Variants in ZNHIT6 observed in about 807,000 individuals in gnomAD.
The protein encoded by ZNHIT6 is zinc finger HIT-type containing 6.
In ZNHIT6, 45 loss-of-function variants were observed where a neutral mutation model predicts 57.2. The ratio of observed to expected loss-of-function variants is 0.79; its 90% CI spans 0.62 to 1.01. The LOEUF is 1.01. Ranked by LOEUF, ZNHIT6 falls within the 50% of genes least tolerant of loss-of-function variation. The pLI is 0.00. For synonymous variants in ZNHIT6, 188 were observed against 190.0 expected (o/e 0.99, Z 0.09); for missense variants, 528 against 567.3 (o/e 0.93, Z 0.70).
chr1:85,707,831 C>T lies in ZNHIT6; in HGVS notation c.454G>A (p.Val152Met). 6.2e-7 allele frequency: 1 copy of T among 1,614,150 alleles called. No homozygotes were observed. The highest frequency in any genetic ancestry group is 8.5e-7 in the Non-Finnish European group (1 of 1,180,030). Reference protein sequence around the residue: ...VKEEVMDWSEVKEEKDNLEIK... With the variant: ...VKEEVMDWSEMKEEKDNLEIK... ...TCCAAGTTATCCTTCTCTTCCTTCA[C>T]TTCTGACCAGTCCATTACCTCTTCC... The change falls in exon 1 of 10, where the codon GTG (valine) becomes ATG (methionine). Residue 152 changes from valine to methionine, a missense_variant. Transcript: ENST00000370574.
chr1:85,691,982 A>C (rs1419538647), intron 5 of ZNHIT6, among the ~76,000 whole-genome samples: 2 of 152,206 alleles, frequency 1.3e-5, no homozygotes, highest in African/African-American at 4.8e-5. Context: ...CAGCCTGGCC[A>C]ACACGGTGAA....
chr1:85,698,955 A>G lies in ZNHIT6; in HGVS notation c.1019+3202T>C, dbSNP rs367875648. Among the ~76,000 whole-genome samples the G allele has an allele frequency of 7.9e-5, 12 of 152,248 alleles. No homozygotes were observed. In the East Asian group the frequency reaches 2.3e-3, roughly 29 times the overall value. On this transcript the variant is annotated intron_variant, in intron 5 of 9. Coordinates refer to ENST00000370574, the MANE Select transcript of ZNHIT6 (RefSeq NM_017953.4). ...GTATATTATTTAGTATGTGCCAGGT[A>G]CTACTTTAGTTGGTATTAAAATTTC...
chr1:85,675,190 A>C (rs1661665986), intron 8 of ZNHIT6, among the ~76,000 whole-genome samples: 1 of 152,208 alleles, frequency 6.6e-6, no homozygotes, highest in South Asian at 2.1e-4. Context: ...CTACAAGTCA[A>C]AACATTAAGA....
intron 1 of ZNHIT6, 124 bp from the exon 2 acceptor site, chr1:85,706,631 G>T: frequency 1.2e-6 from 1 of 863,174 alleles, no homozygotes; most frequent in Non-Finnish European, 1.6e-6. Flanking sequence ...GATAGCTGTT[G>T]AACATCATTT....
chr1:85,697,897 A>G (rs1662421409), intron 5 of ZNHIT6, among the ~76,000 whole-genome samples: 1 of 152,114 alleles, frequency 6.6e-6, no homozygotes, highest in South Asian at 2.1e-4. Flanking sequence ...GGTCTTTCAT[A>G]TTTCTTTCAA....
intron 8 of ZNHIT6, among the ~76,000 whole-genome samples, chr1:85,662,087 A>G (rs78159287): frequency 0.061 from 9,313 of 151,654 alleles, 375 homozygotes; most frequent in African/African-American, 0.11. Context: ...TCTGTCACTA[A>G]CTTTCAAAGA....
In ZNHIT6 at chr1:85,707,717, T is replaced by G; in HGVS notation, c.568A>C (p.Lys190Gln). The change falls in exon 1 of 10, where the codon AAG becomes CAG. Residue 190 changes from lysine (K) to glutamine (Q), a missense_variant. Transcript: ENST00000370574. ...TTTGTATCATCCACGATTTCTTTCT[T>G]CAGGAAATCCTTCTCTTCTTTTACA... ...ECVKEEKDFL[K>Q]KEIVDDTKVK... 6.2e-7 allele frequency: 1 copy of G among 1,612,006 alleles called. No individual in the cohort carries two copies.
At chr1:85,703,359 A>G (rs182606923) in intron 4 of ZNHIT6, among the ~76,000 whole-genome samples, 12 of 152,178 alleles carry the variant, frequency 7.9e-5, no homozygotes, top group Non-Finnish European at 1.8e-4. Flanking sequence ...TCTAGAAAAA[A>G]AGTGGGAGGA....
intron 8 of ZNHIT6, among the ~76,000 whole-genome samples, chr1:85,676,785 T>C (rs1459783862): frequency 6.6e-6 from 1 of 152,204 alleles, no homozygotes; most frequent in Non-Finnish European, 1.5e-5. Flanking sequence ...CAGGTCACCA[T>C]AACAGATATA....
chr1:85,667,961 A>AATATATATATATATATATATATAT (rs1553155849), intron 8 of ZNHIT6, among the ~76,000 whole-genome samples: 3 of 18,188 alleles, frequency 1.6e-4, no homozygotes, highest in Admixed American at 6.7e-4. Context: ...AAAAAAAAAA[A>AATATATATATATATATATATATAT]ATATATATAT....
chr1:85,658,641 G>A lies in ZNHIT6; in HGVS notation c.1248-670C>T, dbSNP rs1219887848. ...AATCCCAGCACTTTGGGAGGTCAAGGTGGGTGGATCACCTGAGGTTGGGAG... is the reference window on the plus strand; with the variant it reads ...AATCCCAGCACTTTGGGAGGTCAAGATGGGTGGATCACCTGAGGTTGGGAG... On this transcript the variant is annotated intron_variant, in intron 8 of 9. Coordinates refer to ENST00000370574, the MANE Select transcript of ZNHIT6 (RefSeq NM_017953.4). Among the ~76,000 whole-genome samples, 3 of 152,188 alleles carry A rather than the reference G, an allele frequency of 2.0e-5. No individual in the cohort carries two copies. The East Asian group carries it at 5.8e-4, about 30-fold the overall frequency.
At chr1:85,701,986 T>A (rs1662543554) in intron 5 of ZNHIT6, among the ~76,000 whole-genome samples, 171 bp downstream of exon 5, 1 of 152,030 alleles carries the variant, frequency 6.6e-6, no homozygotes, top group Non-Finnish European at 1.5e-5. Context: ...CAAACCCAAA[T>A]TTTTATTAGA....
In ZNHIT6 at chr1:85,657,916, T is replaced by C; in HGVS notation, c.1303A>G (p.Ile435Val). The part of the protein sequence containing the change: ...SLLDNLRNKV[I>V]IEYPTLHVVL... ...ACATGTAATGTTGGATACTCAATGA[T>C]CACTTTGTTCCTCAAATTGTCTAGG... Residue 435 changes from isoleucine (I) to valine (V), a missense_variant, in exon 9 of 10, where the codon ATC becomes GTC. Ile to Val is a conservative substitution (Grantham distance 29). Coordinates refer to ENST00000370574, the MANE Select transcript of ZNHIT6 (RefSeq NM_017953.4). 1 of 1,599,032 alleles carries C rather than the reference T, an allele frequency of 6.3e-7. No individual in the cohort carries two copies.
rs2100636409 is a variant in ZNHIT6 at position 85,650,961 on chromosome 1, T to A, written c.*3097A>T. ...GGGGAATCTAATTTCAACATGAGTT[T>A]TGGTAGGAACAAACTATATTCAAAC... is the stretch of plus-strand genomic sequence containing the variant. On this transcript the variant is annotated 3_prime_UTR_variant, in exon 10 of 10. Transcript: ENST00000370574. The A allele has an allele frequency of 6.6e-6, 1 of 152,332 alleles. No individual in the cohort carries two copies. Among genetic ancestry groups the A allele is most frequent in the Non-Finnish European group, 1.5e-5 (1 of 68,042 alleles). 9.4% of individuals were successfully genotyped at this position (152,332 alleles called of 1,614,324 possible). A position where few individuals can be genotyped will look rare whatever the true frequency, so the allele number is the denominator to read the frequency against.
In ZNHIT6 at chr1:85,667,947, C is replaced by CAAAAAAAAAAAAAAAAA. The variant is rs1156795211; in HGVS notation, c.1247+9288_1247+9289insTTTTTTTTTTTTTTTTT. 3.9e-3 allele frequency among the ~76,000 whole-genome samples: 36 copies of CAAAAAAAAAAAAAAAAA among 9,232 alleles called. 7 individuals carry two copies. Among genetic ancestry groups the CAAAAAAAAAAAAAAAAA allele is most frequent in the Non-Finnish European group, 5.3e-3 (24 of 4,530 alleles). 6.1% of individuals were successfully genotyped at this position (9,232 alleles called of 152,430 possible). On this transcript the variant is annotated intron_variant, in intron 8 of 9. Coordinates refer to ENST00000370574, the MANE Select transcript of ZNHIT6 (RefSeq NM_017953.4). Reference sequence around the variant, plus strand: ...AGACTCATTCACTCACTCTCTCTTTCAAAAAAAAAAAAAAATATATATATA... The same window carrying CAAAAAAAAAAAAAAAAA: ...AGACTCATTCACTCACTCTCTCTTTCAAAAAAAAAAAAAAAAAAAAAAAAAAAAAAAATATATATATA...
At chr1:85,667,996 C>A in intron 8 of ZNHIT6, among the ~76,000 whole-genome samples, 1 of 96,242 alleles carries the variant, frequency 1.0e-5, no homozygotes, top group Admixed American at 1.3e-4. Context: ...GCTCTGCTTT[C>A]TAAGTTAGAA....
chr1:85,689,713 C>A (rs1662163043), intron 5 of ZNHIT6, among the ~76,000 whole-genome samples: 1 of 152,074 alleles, frequency 6.6e-6, no homozygotes, highest in Admixed American at 6.6e-5. Context: ...CAGTTCTCAA[C>A]TGGGAGGGCT....
chr1:85,661,398 AACTGCTC>A (rs1322167764), intron 8 of ZNHIT6, among the ~76,000 whole-genome samples: 3 of 152,172 alleles, frequency 2.0e-5, no homozygotes, highest in Non-Finnish European at 2.9e-5. Flanking sequence ...AAAACACAGA[AACTGCTC>A]ACTCATTTAT....
In ZNHIT6 at chr1:85,688,891, G is replaced by T. The variant is rs79262335; in HGVS notation, c.1020-7987C>A. Among the ~76,000 whole-genome samples, 397 of 152,286 alleles carry T rather than the reference G, an allele frequency of 2.6e-3. 3 individuals carry two copies. The highest frequency in any genetic ancestry group is 9.3e-3 in the African/African-American group (387 of 41,560). On this transcript the variant is annotated intron_variant, in intron 5 of 9. Coordinates refer to ENST00000370574, the MANE Select transcript of ZNHIT6 (RefSeq NM_017953.4). ...TCCTTGATGATATAACCAAGTTGCTGTAATTGAAGTCCATCTACCTCTGAA... is the reference window on the plus strand; with the variant it reads ...TCCTTGATGATATAACCAAGTTGCTTTAATTGAAGTCCATCTACCTCTGAA...
Sources: allele counts gnomAD v4.1 joint callset (sites outside exome capture counted in the v4.1 genomes callset), GRCh38; gene constraint gnomAD v4.1.1; transcripts MANE v1.5; gene names NCBI Gene and HGNC (gene_info 2026-07-23, HGNC 2026-07-21).